DCLK1: variants seen among roughly 807,000 people sequenced by gnomAD.
The protein encoded by DCLK1 is serine/threonine-protein kinase DCLK1.
DCLK1 carries 16 observed loss-of-function variants against 86.2 expected under a neutral mutation model. The observed-to-expected ratio is 0.19, with a 90% confidence interval of 0.13 to 0.28. The LOEUF (loss-of-function observed/expected upper bound fraction) is 0.28, where lower values mean the gene tolerates loss of function less well. Among genes scored for constraint, DCLK1 ranks in the 10% least tolerant of loss-of-function variants. DCLK1 has a pLI of 1.00. For synonymous variants in DCLK1, 369 were observed against 370.5 expected (o/e 1.00, Z 0.05); for missense variants, 590 against 940.2 (o/e 0.63, Z 4.87).
At chr13:35,830,981 G>C (rs538981919) in intron 8 of DCLK1, among the ~76,000 whole-genome samples, 134 of 151,922 alleles carry the variant, frequency 8.8e-4, no homozygotes, top group African/African-American at 3.2e-3. Flanking sequence ...CCCCTTTACA[G>C]CCAGCCAGAC....
At chr13:35,823,658 A>T (rs2087450213) in intron 10 of DCLK1, among the ~76,000 whole-genome samples, 2 of 152,202 alleles carry the variant, frequency 1.3e-5, no homozygotes. Flanking sequence ...ATTTATTCAA[A>T]AATCCTTTCA....
rs576670412 is a variant in DCLK1, at chr13:36,023,856, G to A, written c.724-76399C>T. ...ACTGAAAGCTTTCCCCCTAAGATTGGGAACACGATGAAGATGTCTGCTCTC... is the reference window on the plus strand; with the variant it reads ...ACTGAAAGCTTTCCCCCTAAGATTGAGAACACGATGAAGATGTCTGCTCTC... On this transcript the variant is annotated intron_variant, in intron 3 of 16. Coordinates refer to ENST00000360631, the MANE Select transcript of DCLK1 (RefSeq NM_001330071.2). Among the ~76,000 whole-genome samples the A allele has an allele frequency of 5.3e-5, 8 of 150,988 alleles. No individual in the cohort carries two copies. In the East Asian group the frequency reaches 1.4e-3, roughly 26 times the overall value.
chr13:35,780,627 C>T (rs2086508788), intron 16 of DCLK1, among the ~76,000 whole-genome samples: 1 of 152,178 alleles, frequency 6.6e-6, no homozygotes, highest in Non-Finnish European at 1.5e-5. Flanking sequence ...AGAGAGAACA[C>T]ATGGTTGATT....
chr13:36,127,073 GAC>G (rs1238343624), intron 1 of DCLK1, among the ~76,000 whole-genome samples: 1 of 152,198 alleles, frequency 6.6e-6, no homozygotes, highest in Non-Finnish European at 1.5e-5. Flanking sequence ...GGTGGGCTGG[GAC>G]AGAAAGAGAG....
At chr13:35,877,027 C>T (rs2153115732) in intron 4 of DCLK1, among the ~76,000 whole-genome samples, 1 of 152,270 alleles carries the variant, frequency 6.6e-6, no homozygotes, top group Non-Finnish European at 1.5e-5. Flanking sequence ...ACTGAACCTC[C>T]CACAGCAGGC....
chr13:36,042,550 A>G (rs1263418759), intron 3 of DCLK1, among the ~76,000 whole-genome samples: 1 of 152,202 alleles, frequency 6.6e-6, no homozygotes, highest in Non-Finnish European at 1.5e-5. Context: ...TAAAACATGG[A>G]GGAGAGAAAA....
chr13:36,048,242 T>G (rs1008697589), intron 3 of DCLK1, among the ~76,000 whole-genome samples: 1 of 152,162 alleles, frequency 6.6e-6, no homozygotes, highest in African/African-American at 2.4e-5. Context: ...AACCTTTCAC[T>G]AGGGACAAAG....
chr13:36,112,198 C>T lies in DCLK1; in HGVS notation c.394G>A (p.Gly132Ser). ...QLVEGESYVCGSIEPFKKLEY... is the reference protein window; with the variant it reads ...QLVEGESYVCSSIEPFKKLEY... ...AGTTTCTTGAAGGGCTCTATGGAGC[C>T]ACATACATAACTCTCTCCTAAGGAA... is the stretch of plus-strand genomic sequence containing the variant. The change falls in exon 3 of 17, where the codon GGC becomes AGC. Residue 132 changes from glycine (G) to serine (S), a missense_variant. By Grantham distance (56) the Gly-to-Ser change is moderately conservative (BLOSUM62 0). Transcript: ENST00000360631. The T allele has an allele frequency of 6.3e-7, 1 of 1,589,656 alleles. No individual in the cohort carries two copies. Among genetic ancestry groups the T allele is most frequent in the Non-Finnish European group, 8.6e-7 (1 of 1,162,608 alleles).
rs543305578 is a variant in DCLK1, at chr13:35,954,241, A to G, written c.724-6784T>C. Among the ~76,000 whole-genome samples, 89 of 152,086 alleles carry G rather than the reference A, an allele frequency of 5.9e-4. 3 individuals carry two copies. In the South Asian group the frequency reaches 0.017, roughly 28 times the overall value. On this transcript the variant is annotated intron_variant, in intron 3 of 16. Coordinates refer to ENST00000360631, the MANE Select transcript of DCLK1 (RefSeq NM_001330071.2). The stretch of plus-strand genomic sequence containing the variant: ...TTTTTAAAAAAAAATCTAGTTACCT[A>G]TGTATCTAAGGTGCCAAGTCAACAA...
At chr13:35,897,282 G>A (rs887230882) in intron 4 of DCLK1, among the ~76,000 whole-genome samples, 2 of 152,220 alleles carry the variant, frequency 1.3e-5, no homozygotes, top group African/African-American at 4.8e-5. Context: ...GGGAGGCAAT[G>A]TGGAGGATGG....
intron 3 of DCLK1, among the ~76,000 whole-genome samples, chr13:36,089,158 A>AT (rs902854002): frequency 1.3e-5 from 2 of 151,990 alleles, no homozygotes; most frequent in African/African-American, 4.8e-5. Flanking sequence ...AGCGGTTTTA[A>AT]TTTTTTTTCT....
intron 4 of DCLK1, among the ~76,000 whole-genome samples, chr13:35,937,623 AG>A (rs920156105): frequency 8.5e-5 from 13 of 152,194 alleles, no homozygotes; most frequent in Non-Finnish European, 1.5e-4. Flanking sequence ...TTACTATCTT[AG>A]GAGGGACCAG....
intron 3 of DCLK1, among the ~76,000 whole-genome samples, chr13:36,049,543 ATCCTTT>A (rs1410940893): frequency 6.6e-6 from 1 of 152,148 alleles, no homozygotes; most frequent in Non-Finnish European, 1.5e-5. Context: ...GTCTAACAGA[ATCCTTT>A]TCCAATTACT....
intron 4 of DCLK1, among the ~76,000 whole-genome samples, chr13:35,938,438 G>A (rs1368079637): frequency 1.3e-5 from 2 of 152,120 alleles, no homozygotes; most frequent in African/African-American, 2.4e-5. Flanking sequence ...GACCATCCTG[G>A]CTAACACGGT....
intron 4 of DCLK1, among the ~76,000 whole-genome samples, chr13:35,932,819 G>A (rs1876530905): frequency 1.3e-5 from 2 of 152,170 alleles, no homozygotes; most frequent in South Asian, 4.1e-4. Context: ...TCTGCACTTG[G>A]CCCCTGCCAA....
intron 10 of DCLK1, among the ~76,000 whole-genome samples, chr13:35,823,422 G>A (rs577296667): frequency 8.5e-5 from 13 of 152,094 alleles, no homozygotes; most frequent in African/African-American, 3.1e-4. Flanking sequence ...CTGAGAGTGG[G>A]CATAGTGTTT....
chr13:35,982,431 AGG>A (rs765266083), intron 3 of DCLK1, among the ~76,000 whole-genome samples: 2,451 of 40,978 alleles, frequency 0.06, 168 homozygotes, highest in East Asian at 0.087. Context: ...AGAGAGAGAG[AGG>A]GGGAGGGAGG....
chr13:35,877,690 T>C (rs554649979), intron 4 of DCLK1, among the ~76,000 whole-genome samples: 1 of 152,312 alleles, frequency 6.6e-6, no homozygotes, highest in East Asian at 1.9e-4. Flanking sequence ...AATGGACAAG[T>C]TCATCTAGAA....
intron 4 of DCLK1, among the ~76,000 whole-genome samples, chr13:35,944,451 A>T (rs1877255723): frequency 6.6e-6 from 1 of 152,240 alleles, no homozygotes; most frequent in Non-Finnish European, 1.5e-5. Context: ...TAGCAAGTAC[A>T]GATAAGCTGG....
Sources: gnomAD v4.1 joint callset for allele counts (sites outside exome capture counted in the v4.1 genomes callset) on GRCh38, gnomAD v4.1.1 for gene constraint, MANE v1.5 for transcripts, NCBI Gene and HGNC (gene_info 2026-07-23, HGNC 2026-07-21) for gene names.